The following NEB variants were observed in gnomAD, a reference collection of about 807,000 sequenced individuals.
NEB encodes the protein nemaline myopathy type 2.
In NEB, 512 loss-of-function variants were observed where a neutral mutation model predicts 952.2. The ratio of observed to expected loss-of-function variants is 0.54; its 90% confidence interval spans 0.50 to 0.58. The LOEUF (loss-of-function observed/expected upper bound fraction) is 0.58, where lower values mean the gene tolerates loss of function less well. NEB is among the 20% of genes least tolerant of loss of function. The pLI is 0.00. For synonymous variants in NEB, 2,900 were observed against 3,149.8 expected (o/e 0.92, Z 2.66); for missense variants, 8,428 against 9,231.1 (o/e 0.91, Z 3.56).
chr2:151,609,700 C>T (rs12622127), intron 81 of NEB, 109 bp downstream of exon 81: 10 of 999,464 alleles, frequency 1.0e-5, no homozygotes, highest in East Asian at 5.1e-5. Context: ...GCCCCACCCC[C>T]AGGTTTGTGC....
chr2:151,577,714 G>A (rs1176821705), intron 105 of NEB, among the ~76,000 whole-genome samples: 1 of 152,088 alleles, frequency 6.6e-6, no homozygotes, highest in African/African-American at 2.4e-5. Flanking sequence ...GTGTAGCTGG[G>A]ATTACAGGCA....
rs1312593887 is a variant in NEB at position 151,640,238 on chromosome 2, G to T, written c.8685+117C>A. The T allele has an allele frequency of 2.0e-6, 3 of 1,498,340 alleles. No individual in the cohort carries two copies. The Admixed American group carries it at 5.8e-5, about 29-fold the overall frequency. The allele number at this position is 1,498,340 out of a possible 1,614,324, so 92.8% of individuals were successfully genotyped here. ...AGGATTAAAATTCCTGTCGATAAAG[G>T]CAATGCTATTTGCCTCCTCCAGGGG... On this transcript the variant is annotated intron_variant, in intron 61 of 181. Transcript: ENST00000397345.
At chr2:151,671,725 T>C (rs1221339746) in intron 37 of NEB, among the ~76,000 whole-genome samples, 1 of 152,234 alleles carries the variant, frequency 6.6e-6, no homozygotes, top group Non-Finnish European at 1.5e-5. Flanking sequence ...ACATCCATAC[T>C]GTCCACCTAG....
intron 10 of NEB, among the ~76,000 whole-genome samples, chr2:151,711,945 C>T (rs1418660979): frequency 6.6e-6 from 1 of 152,160 alleles, no homozygotes; most frequent in African/African-American, 2.4e-5. Context: ...GATTTACCTG[C>T]ACTCTGTTTT....
chr2:151,631,879 T>C (rs1484851283), intron 65 of NEB, among the ~76,000 whole-genome samples: 1 of 152,240 alleles, frequency 6.6e-6, no homozygotes, highest in Non-Finnish European at 1.5e-5. Context: ...TTGGATTGTT[T>C]TGGATTCTTA....
At chr2:151,496,693 C>T (rs2060450790) in intron 172 of NEB, among the ~76,000 whole-genome samples, 1 of 151,726 alleles carries the variant, frequency 6.6e-6, no homozygotes, top group African/African-American at 2.4e-5. Context: ...GTGTTGTTAT[C>T]CACACAAACG....
chr2:151,691,804 A>G (rs959502984), intron 23 of NEB, 60 bp downstream of exon 23: 105 of 1,184,708 alleles, frequency 8.9e-5, no homozygotes, highest in Middle Eastern at 3.8e-4. Context: ...TGCTAAATTT[A>G]CCACTAGATG....
At chr2:151,646,576 T>A (rs2098961582) in intron 54 of NEB, among the ~76,000 whole-genome samples, 1 of 152,224 alleles carries the variant, frequency 6.6e-6, no homozygotes, top group African/African-American at 2.4e-5. Flanking sequence ...AGGCAGCCCT[T>A]GCCTTTTCAA....
At position 151,663,863 on chromosome 2, in the gene NEB, T is replaced by C. The variant is rs376623225; in HGVS notation, c.5452-4A>G. On this transcript the variant is annotated splice_region_variant and splice_polypyrimidine_tract_variant and intron_variant, in intron 44 of 181. Transcript: ENST00000397345. The stretch of plus-strand genomic sequence containing the variant: ...CATAGGCTTTCTTGTATTTGTACTG[T>C]GGACAGAGAAGAAATTATGGTGATG... 37 of 1,608,064 alleles carry C rather than the reference T, an allele frequency of 2.3e-5. No individual in the cohort carries two copies. The East Asian group carries it at 2.7e-4, about 12-fold the overall frequency.
At chr2:151,535,216 C>A (rs1249894382) in intron 142 of NEB, among the ~76,000 whole-genome samples, 1 of 152,196 alleles carries the variant, frequency 6.6e-6, no homozygotes, top group Non-Finnish European at 1.5e-5. Context: ...GTGGGAGTAA[C>A]AATGGCAATA....
At chr2:151,664,943 C>T in intron 42 of NEB, 80 bp from the exon 43 acceptor site, 1 of 1,019,118 alleles carries the variant, frequency 9.8e-7, no homozygotes, top group Non-Finnish European at 1.4e-6. Context: ...AGATTTACAA[C>T]TCCATGGTAA....
At chr2:151,490,351 A>G (rs187316268) in intron 180 of NEB, 21 bp downstream of exon 180, 10 of 1,581,580 alleles carry the variant, frequency 6.3e-6, no homozygotes, top group Non-Finnish European at 8.6e-6. Flanking sequence ...GACTGCCAAA[A>G]TCAGCGCCAG....
intron 124 of NEB, among the ~76,000 whole-genome samples, chr2:151,557,083 T>C (rs1161012529): frequency 6.6e-6 from 1 of 151,894 alleles, no homozygotes; most frequent in Non-Finnish European, 1.5e-5. Context: ...CCAGGAGCTG[T>C]TTTTTTGAAA....
At chr2:151,717,589 AT>A in intron 9 of NEB, 69 bp from the exon 10 acceptor site, 1 of 1,120,704 alleles carries the variant, frequency 8.9e-7, no homozygotes, top group East Asian at 2.4e-5. Flanking sequence ...GAAGTCTTAA[AT>A]TTTAGTGTAA....
At chr2:151,572,432 T>C (rs2096662873) in intron 107 of NEB, among the ~76,000 whole-genome samples, 1 of 149,862 alleles carries the variant, frequency 6.7e-6, no homozygotes, top group Non-Finnish European at 1.5e-5. Context: ...ATTATGCACA[T>C]TTTCACACTA....
chr2:151,668,545 T>A (rs998181883), intron 39 of NEB, among the ~76,000 whole-genome samples: 2 of 152,112 alleles, frequency 1.3e-5, no homozygotes, highest in East Asian at 1.9e-4. Context: ...ATCCTTTTTT[T>A]AAAAAAGGAA....
At chr2:151,632,612 G>A (rs1044365088) in intron 65 of NEB, among the ~76,000 whole-genome samples, 1 of 150,430 alleles carries the variant, frequency 6.6e-6, no homozygotes, top group African/African-American at 2.4e-5. Context: ...GGAGGCGAAG[G>A]TTGCAGTAAT....
chr2:151,500,703 A>T (rs1251655563), intron 168 of NEB, among the ~76,000 whole-genome samples: 13 of 149,386 alleles, frequency 8.7e-5, no homozygotes, highest in Non-Finnish European at 1.5e-4. Flanking sequence ...GTTCAGATGA[A>T]CCTCCCACCT....
intron 9 of NEB, among the ~76,000 whole-genome samples, chr2:151,720,471 C>T (rs1178344201): frequency 6.6e-6 from 1 of 152,180 alleles, no homozygotes; most frequent in Non-Finnish European, 1.5e-5. Context: ...AAAGCTATGC[C>T]TTAACTGTCA....
Sources: allele counts gnomAD v4.1 joint callset (sites outside exome capture counted in the v4.1 genomes callset), GRCh38; gene constraint gnomAD v4.1.1; transcripts MANE v1.5; gene names NCBI Gene and HGNC (gene_info 2026-07-23, HGNC 2026-07-21).